The following PTGR3 variants were observed in gnomAD, a reference collection of about 807,000 sequenced individuals.
PTGR3 encodes prostaglandin reductase 3.
At chr18:75,208,777 T>A in the PTGR3 span, 1 of 1,286,578 alleles carries the variant, frequency 7.8e-7, no homozygotes, top group Non-Finnish European at 9.9e-7. Flanking sequence ...GGCTGGGGAC[T>A]GCGGGAGCGG....
At chr18:75,200,921 G>GA in the PTGR3 span, 1,794 of 150,736 alleles carry the variant, frequency 0.012, 32 homozygotes, top group African/African-American at 0.036. Flanking sequence ...GTGATTTATA[G>GA]AAAAAAAAAG....
the PTGR3 span, among the ~76,000 whole-genome samples, chr18:75,208,007 C>G: frequency 6.6e-6 from 1 of 152,196 alleles, no homozygotes; most frequent in African/African-American, 2.4e-5. Context: ...GAGCAAAGAC[C>G]TAAGCGGGCA....
At chr18:75,201,489 T>C in the PTGR3 span, 1 of 1,614,236 alleles carries the variant, frequency 6.2e-7, no homozygotes, top group Non-Finnish European at 8.5e-7. Flanking sequence ...GTACATATAA[T>C]TGACAGCACG....
the PTGR3 span, chr18:75,200,174 A>G: frequency 6.6e-6 from 1 of 152,208 alleles, no homozygotes; most frequent in African/African-American, 2.4e-5. Context: ...ATGGGGTTTC[A>G]GCGCAACGGT....
At chr18:75,206,967 G>A in the PTGR3 span, among the ~76,000 whole-genome samples, 1 of 152,194 alleles carries the variant, frequency 6.6e-6, no homozygotes, top group Non-Finnish European at 1.5e-5. Context: ...TCTCCCCAGG[G>A]GAGAACTTGC....
chr18:75,205,097 G>T, the PTGR3 span: 1 of 953,284 alleles, frequency 1.0e-6, no homozygotes, highest in Non-Finnish European at 1.2e-6. Flanking sequence ...TCCGGTTCGC[G>T]GACCCCCACC....
the PTGR3 span, among the ~76,000 whole-genome samples, chr18:75,204,331 G>T: frequency 6.6e-6 from 1 of 152,256 alleles, no homozygotes; most frequent in Non-Finnish European, 1.5e-5. Context: ...ACGCACACCG[G>T]AGCAGCCTGG....
chr18:75,204,391 G>A, the PTGR3 span, among the ~76,000 whole-genome samples: 5 of 152,230 alleles, frequency 3.3e-5, no homozygotes, highest in African/African-American at 9.6e-5. Flanking sequence ...AGTTTGGGAG[G>A]GGGGAGTGGG....
the PTGR3 span, chr18:75,205,115 G>A: frequency 5.1e-6 from 5 of 978,996 alleles, no homozygotes; most frequent in Non-Finnish European, 6.1e-6. Context: ...ACCTCCACCG[G>A]GATCCCTGCT....
At chr18:75,208,959 G>C in the PTGR3 span, 1 of 1,595,022 alleles carries the variant, frequency 6.3e-7, no homozygotes, top group Non-Finnish European at 8.5e-7. Flanking sequence ...ACCAGCTTCT[G>C]CATGGCTTGG....
At chr18:75,206,932 T>C in the PTGR3 span, among the ~76,000 whole-genome samples, 1 of 152,214 alleles carries the variant, frequency 6.6e-6, no homozygotes, top group South Asian at 2.1e-4. Context: ...GGGCAGGCAG[T>C]GCCTAGGCAC....
the PTGR3 span, chr18:75,202,453 T>C: frequency 3.3e-6 from 3 of 900,806 alleles, no homozygotes; most frequent in African/African-American, 3.3e-5. Flanking sequence ...TGCTAAGCTA[T>C]ACAATCTGAT....
the PTGR3 span, chr18:75,200,674 C>G: frequency 1.3e-5 from 2 of 152,146 alleles, no homozygotes; most frequent in African/African-American, 4.8e-5. Flanking sequence ...CCCCTAATCT[C>G]TGTGGTTTCC....
chr18:75,202,146 A>AC, the PTGR3 span: 1 of 1,614,146 alleles, frequency 6.2e-7, no homozygotes, highest in South Asian at 1.1e-5. Context: ...GCTGGCAGGC[A>AC]CAACTGTGTA....
At chr18:75,205,761 G>C in the PTGR3 span, among the ~76,000 whole-genome samples, 9 of 130,328 alleles carry the variant, frequency 6.9e-5, no homozygotes, top group African/African-American at 2.2e-4. Context: ...AAGAAAGAAA[G>C]AAACAAAGAA....
chr18:75,204,557 G>A, the PTGR3 span, among the ~76,000 whole-genome samples: 11 of 152,172 alleles, frequency 7.2e-5, no homozygotes, highest in African/African-American at 2.2e-4. Context: ...TGCCCGTCCA[G>A]GCTCCGTCCA....
chr18:75,203,503 G>C, the PTGR3 span, among the ~76,000 whole-genome samples: 1 of 152,162 alleles, frequency 6.6e-6, no homozygotes, highest in African/African-American at 2.4e-5. Context: ...GCTTATAAAA[G>C]CTCACTTATG....
At chr18:75,206,508 AC>A in the PTGR3 span, among the ~76,000 whole-genome samples, 4 of 152,224 alleles carry the variant, frequency 2.6e-5, no homozygotes, top group Non-Finnish European at 4.4e-5. Flanking sequence ...AAATGAACTA[AC>A]CTGCAGTGAA....
chr18:75,197,241 C>A, the PTGR3 span: 3 of 152,166 alleles, frequency 2.0e-5, no homozygotes, highest in Non-Finnish European at 4.4e-5. Context: ...GCAATAATAA[C>A]TGTACATTTT....
Sources: allele counts gnomAD v4.1 joint callset (sites outside exome capture counted in the v4.1 genomes callset), GRCh38; gene constraint gnomAD v4.1.1; transcripts MANE v1.5; gene names NCBI Gene and HGNC (gene_info 2026-07-23, HGNC 2026-07-21).